Variants in CPXM2 observed in about 807,000 individuals in gnomAD.
CPXM2 encodes the protein inactive carboxypeptidase-like protein X2.
CPXM2 carries 66 observed loss-of-function variants against 86.1 expected under a neutral mutation model. That is an observed-to-expected ratio of 0.77 (90% CI 0.63 to 0.94). The LOEUF (loss-of-function observed/expected upper bound fraction) is 0.94. Ranked by LOEUF, CPXM2 falls within the 40% of genes least tolerant of loss-of-function variation. The pLI is 0.00. For missense variants in CPXM2, 948 were observed against 1,026.3 expected, an observed-to-expected ratio of 0.92 and a Z score of 1.04; for synonymous variants, 388 against 400.2, an observed-to-expected ratio of 0.97 and a Z score of 0.36.
intron 6 of CPXM2, among the ~76,000 whole-genome samples, chr10:123,787,898 C>T (rs1847103479): frequency 1.3e-5 from 2 of 152,050 alleles, no homozygotes; most frequent in Admixed American, 1.3e-4. Flanking sequence ...TTTGTAGCCC[C>T]CATTTTTCTA....
rs1410184454 is a variant in CPXM2, at chr10:123,768,846, G to T, written c.1103-124C>A. 3.7e-6 allele frequency: 3 copies of T among 804,130 alleles called. No homozygotes were observed. The Admixed American group carries it at 8.5e-5, about 23-fold the overall frequency. 49.8% of individuals were successfully genotyped at this position (804,130 alleles called of 1,614,324 possible). ...TAAGCTTACCGTTTTAGACCTATTT[G>T]TTCTTTCAAACAAACCTCTAAAATG... On this transcript the variant is annotated intron_variant, in intron 8 of 13. Coordinates refer to ENST00000241305, the MANE Select transcript of CPXM2 (RefSeq NM_198148.3).
At chr10:123,807,458 T>A (rs1381025203) in intron 4 of CPXM2, among the ~76,000 whole-genome samples, 1 of 152,216 alleles carries the variant, frequency 6.6e-6, no homozygotes, top group Non-Finnish European at 1.5e-5. Context: ...TTATGAGATG[T>A]GTGGTTAAGT....
At chr10:123,772,943 C>CCTGGTTGTGGTTCTTACCTCT (rs1846683234) in intron 7 of CPXM2, among the ~76,000 whole-genome samples, 3 of 151,138 alleles carry the variant, frequency 2.0e-5, no homozygotes, top group Non-Finnish European at 4.4e-5. Flanking sequence ...TTCTCACCTC[C>CCTGGTTGTGGTTCTTACCTCT]CTGGTTGTGG....
chr10:123,794,457 C>A (rs1847279721), intron 6 of CPXM2, among the ~76,000 whole-genome samples: 2 of 152,182 alleles, frequency 1.3e-5, no homozygotes, highest in Admixed American at 6.5e-5. Flanking sequence ...TCACCTGGTC[C>A]TTTTAAGAAC....
At chr10:123,785,491 C>T (rs1847032170) in intron 6 of CPXM2, among the ~76,000 whole-genome samples, 3 of 152,274 alleles carry the variant, frequency 2.0e-5, no homozygotes, top group East Asian at 3.9e-4. Context: ...TGGTTTTAAA[C>T]AGAAAGTGTC....
intron 2 of CPXM2, among the ~76,000 whole-genome samples, chr10:123,915,553 C>CA (rs553770766): frequency 3.3e-4 from 43 of 129,348 alleles, no homozygotes; most frequent in South Asian, 1.7e-3. Context: ...GCGAGATTGT[C>CA]AAAAAAAATA....
intron 13 of CPXM2, among the ~76,000 whole-genome samples, chr10:123,747,848 G>A (rs1288948845): frequency 2.0e-5 from 3 of 151,352 alleles, no homozygotes; most frequent in East Asian, 3.9e-4. Context: ...CTTGAACCCA[G>A]GAGGCGGAGG....
intron 2 of CPXM2, among the ~76,000 whole-genome samples, chr10:123,910,755 A>C (rs774260961): frequency 2.6e-4 from 39 of 152,304 alleles, no homozygotes; most frequent in East Asian, 5.8e-4. Flanking sequence ...ACTGGGTGAC[A>C]ACACAAATTT....
chr10:123,763,705 T>A (rs535006303), intron 10 of CPXM2, among the ~76,000 whole-genome samples: 62 of 152,244 alleles, frequency 4.1e-4, no homozygotes, highest in Middle Eastern at 3.4e-3. Flanking sequence ...GCGATCTCAT[T>A]TAATGTGTTA....
chr10:123,888,405 A>G (rs1243909028), intron 1 of CPXM2, among the ~76,000 whole-genome samples: 1 of 152,172 alleles, frequency 6.6e-6, no homozygotes, highest in Non-Finnish European at 1.5e-5. Context: ...ATAGCATTGC[A>G]TCATCCACCC....
In CPXM2 at chr10:123,936,096, A is replaced by AT. The variant is rs1244630382; in HGVS notation, n.174+3380_174+3381insA. Among the ~76,000 whole-genome samples, 463 of 151,342 alleles carry AT rather than the reference A, an allele frequency of 3.1e-3. 12 individuals are homozygous for AT. Among genetic ancestry groups the AT allele is most frequent in the African/African-American group, 0.011 (444 of 41,074 alleles). On this transcript the variant is annotated intron_variant and non_coding_transcript_variant, in intron 2 of 19. Coordinates refer to the CPXM2 transcript ENST00000368854. Reference sequence around the variant, plus strand: ...TATCTTTACCATCACCACCACCATCACCATCATCATCTATTGATATTAAAC... The same window carrying AT: ...TATCTTTACCATCACCACCACCATCATCCATCATCATCTATTGATATTAAAC...
chr10:123,805,187 T>C (rs1847553113), intron 4 of CPXM2, among the ~76,000 whole-genome samples: 1 of 151,934 alleles, frequency 6.6e-6, no homozygotes, highest in Non-Finnish European at 1.5e-5. Flanking sequence ...CATTCAAAAA[T>C]ATTAAATCAA....
chr10:123,813,134 G>A (rs902404461), intron 4 of CPXM2, among the ~76,000 whole-genome samples: 12 of 152,162 alleles, frequency 7.9e-5, no homozygotes, highest in African/African-American at 2.7e-4. Context: ...ATCTCTTAAA[G>A]ATGTTTTATA....
chr10:123,799,253 C>T, intron 4 of CPXM2, 54 bp from the exon 5 acceptor site: 1 of 1,605,724 alleles, frequency 6.2e-7, no homozygotes, highest in Non-Finnish European at 8.5e-7. Context: ...GTTTGTTCTT[C>T]CATGAAGAGG....
chr10:123,887,814 G>T (rs1381400713), intron 1 of CPXM2, among the ~76,000 whole-genome samples: 1 of 152,144 alleles, frequency 6.6e-6, no homozygotes, highest in Non-Finnish European at 1.5e-5. Context: ...TCACTGGGGG[G>T]AGCTGACAAA....
At chr10:123,912,308 C>CG (rs147794681) in intron 2 of CPXM2, among the ~76,000 whole-genome samples, 3,329 of 38,886 alleles carry the variant, frequency 0.086, 115 homozygotes, top group Non-Finnish European at 0.095. Context: ...AGATGGTGGG[C>CG]GGGGGGGGGG....
At chr10:123,927,895 A>AC (rs553416446) in intron 2 of CPXM2, among the ~76,000 whole-genome samples, 22 of 151,968 alleles carry the variant, frequency 1.4e-4, no homozygotes, top group African/African-American at 4.3e-4. Context: ...TTCTCCAGGA[A>AC]CCCCCCAGTG....
chr10:123,859,915 G>T (rs899186468), intron 3 of CPXM2, among the ~76,000 whole-genome samples: 1 of 152,082 alleles, frequency 6.6e-6, no homozygotes, highest in African/African-American at 2.4e-5. Flanking sequence ...CCCCATCTAC[G>T]GTGAGGCTCC....
chr10:123,891,755 C>T lies in CPXM2; in HGVS notation c.-96G>A. ...GCTGGCGCGGGGCAAGGGCGCAGGGCACAGCAGAGCGGCGCGCTTGGGCGC... is the reference window on the plus strand; with the variant it reads ...GCTGGCGCGGGGCAAGGGCGCAGGGTACAGCAGAGCGGCGCGCTTGGGCGC... On this transcript the variant is annotated 5_prime_UTR_variant, in exon 1 of 14. Transcript: ENST00000241305. The surrounding 1 kb of genome is among the most constrained non-coding windows in gnomAD (Gnocchi z 5.6). The T allele has an allele frequency of 1.1e-6, 1 of 899,818 alleles. No homozygotes were observed. Among genetic ancestry groups the T allele is most frequent in the Non-Finnish European group, 1.4e-6 (1 of 692,858 alleles). 55.7% of individuals were successfully genotyped at this position (899,818 alleles called of 1,614,324 possible). A position where few individuals can be genotyped will look rare whatever the true frequency, so the allele number is the denominator to read the frequency against.
Sources: allele counts gnomAD v4.1 joint callset (sites outside exome capture counted in the v4.1 genomes callset), GRCh38; gene constraint gnomAD v4.1.1; non-coding constraint Gnocchi (gnomAD v3.1); transcripts MANE v1.5; gene names NCBI Gene and HGNC (gene_info 2026-07-23, HGNC 2026-07-21).